Variants in ZNF676 observed in about 807,000 individuals in gnomAD.
ZNF676 encodes zinc finger protein 676.
Under a neutral mutation model 6.0 loss-of-function variants are expected in ZNF676, and 4 were observed. That is an observed-to-expected ratio of 0.67 (90% CI 0.33 to 1.53). ZNF676 has a LOEUF of 1.53. Ranked by LOEUF, ZNF676 falls within the 40% of genes most tolerant of loss-of-function variation. ZNF676 has a pLI of 0.06. For synonymous variants in ZNF676, 198 were observed against 223.1 expected (o/e 0.89, Z 1.00); for missense variants, 644 against 679.7 (o/e 0.95, Z 0.58).
chr19:22,249,787 CTG>C, the ZNF676 span, among the ~76,000 whole-genome samples: 1 of 150,658 alleles, frequency 6.6e-6, no homozygotes, highest in Admixed American at 6.6e-5. Context: ...AAGCACAGAT[CTG>C]TTCCTTAACA....
the ZNF676 span, among the ~76,000 whole-genome samples, chr19:22,230,076 T>C: frequency 6.6e-6 from 1 of 152,146 alleles, no homozygotes; most frequent in Non-Finnish European, 1.5e-5. Flanking sequence ...CTATTCACAA[T>C]AGCAAAGACT....
the ZNF676 span, among the ~76,000 whole-genome samples, chr19:22,230,734 C>T: frequency 6.6e-6 from 1 of 151,894 alleles, no homozygotes; most frequent in African/African-American, 2.4e-5. Context: ...TCTCTGCTCA[C>T]TGCCACCTCT....
At chr19:22,208,580 G>T (rs146365103) in intron 1 of ZNF676, among the ~76,000 whole-genome samples, 1 of 152,104 alleles carries the variant, frequency 6.6e-6, no homozygotes, top group African/African-American at 2.4e-5. Flanking sequence ...AATCACATTC[G>T]TTGCAGTACT....
At chr19:22,189,762 C>T (rs1284381473) in intron 2 of ZNF676, among the ~76,000 whole-genome samples, 1 of 151,910 alleles carries the variant, frequency 6.6e-6, no homozygotes. Flanking sequence ...CGAACAGACA[C>T]ATGAAAAAAA....
chr19:22,189,032 A>T (rs893483175), intron 2 of ZNF676, among the ~76,000 whole-genome samples: 3 of 151,516 alleles, frequency 2.0e-5, no homozygotes, highest in African/African-American at 7.3e-5. Context: ...CCAAAAAAAA[A>T]ATCTCACATG....
chr19:22,238,632 A>G, the ZNF676 span, among the ~76,000 whole-genome samples: 1 of 152,194 alleles, frequency 6.6e-6, no homozygotes, highest in Non-Finnish European at 1.5e-5. Flanking sequence ...AGGGTTCTCC[A>G]GAGGGACAGA....
upstream of ZNF676, among the ~76,000 whole-genome samples, chr19:22,216,234 A>C (rs2024188212): frequency 6.6e-6 from 1 of 152,180 alleles, no homozygotes; most frequent in African/African-American, 2.4e-5. Flanking sequence ...CAGAAGTTCA[A>C]GATCAGCCTG....
the ZNF676 span, among the ~76,000 whole-genome samples, chr19:22,257,408 G>A: frequency 5.3e-5 from 8 of 152,166 alleles, no homozygotes; most frequent in Non-Finnish European, 7.3e-5. Flanking sequence ...CCAAAAATAC[G>A]CAAGGCCCAG....
At chr19:22,214,353 A>T (rs1177457360) in intron 1 of ZNF676, among the ~76,000 whole-genome samples, 1 of 152,062 alleles carries the variant, frequency 6.6e-6, no homozygotes, top group Non-Finnish European at 1.5e-5. Context: ...GGCGGCTTAC[A>T]CCTGTAATCC....
the ZNF676 span, among the ~76,000 whole-genome samples, chr19:22,230,782 C>T: frequency 6.6e-6 from 1 of 151,770 alleles, no homozygotes; most frequent in Non-Finnish European, 1.5e-5. Context: ...CCTCAGCTTC[C>T]CAAATAGCTG....
At chr19:22,211,959 G>A (rs1319403835) in intron 1 of ZNF676, among the ~76,000 whole-genome samples, 1 of 152,064 alleles carries the variant, frequency 6.6e-6, no homozygotes, top group Non-Finnish European at 1.5e-5. Context: ...CAGCACTTTG[G>A]GAGGCCGAGG....
At chr19:22,187,185 G>A (rs1427945024) in intron 2 of ZNF676, among the ~76,000 whole-genome samples, 1 of 152,144 alleles carries the variant, frequency 6.6e-6, no homozygotes, top group East Asian at 1.9e-4. Flanking sequence ...AGACCACAGT[G>A]CAATCAAATT....
chr19:22,180,073 A>G lies in ZNF676; in HGVS notation c.1644T>C (p.Leu548=). The part of the protein sequence containing the change: ...CGKAFSRSSS[L]TRHKRIHTGE... ...CAGTATGAATTCTCTTGTGTCTAGTAAGGCTTGAGGATCTGCTGAAGGCTT... is the reference window on the plus strand; with the variant it reads ...CAGTATGAATTCTCTTGTGTCTAGTGAGGCTTGAGGATCTGCTGAAGGCTT... Residue 548 remains leucine (L), a synonymous_variant, in exon 3 of 3, where the codon CTT becomes CTC. Coordinates refer to ENST00000397121, the MANE Select transcript of ZNF676 (RefSeq NM_001001411.3). The G allele has an allele frequency of 6.2e-7, 1 of 1,613,678 alleles. No homozygotes were observed. Among genetic ancestry groups the G allele is most frequent in the East Asian group, 2.2e-5 (1 of 44,818 alleles).
intron 1 of ZNF676, among the ~76,000 whole-genome samples, chr19:22,207,065 T>A (rs1255409843): frequency 6.6e-6 from 1 of 152,116 alleles, no homozygotes; most frequent in Non-Finnish European, 1.5e-5. Context: ...CACTCCTATA[T>A]TCAACATAAA....
At chr19:22,226,933 C>T in the ZNF676 span, among the ~76,000 whole-genome samples, 1 of 152,076 alleles carries the variant, frequency 6.6e-6, no homozygotes, top group South Asian at 2.1e-4. Flanking sequence ...TTGGATTTTC[C>T]TGTTTTACTT....
chr19:22,240,034 A>G, the ZNF676 span, among the ~76,000 whole-genome samples: 1 of 152,338 alleles, frequency 6.6e-6, no homozygotes, highest in Admixed American at 6.5e-5. Context: ...ATGCACCCAG[A>G]TATATGTCAT....
chr19:22,224,788 T>C, the ZNF676 span, among the ~76,000 whole-genome samples: 1 of 152,086 alleles, frequency 6.6e-6, no homozygotes, highest in Non-Finnish European at 1.5e-5. Flanking sequence ...TGAGCCCAAA[T>C]GTTTGAGATC....
chr19:22,202,776 T>G (rs1203672743), intron 1 of ZNF676, among the ~76,000 whole-genome samples: 2 of 152,194 alleles, frequency 1.3e-5, no homozygotes, highest in African/African-American at 4.8e-5. Context: ...GGGAAGGCCA[T>G]CCCTGTATGC....
the ZNF676 span, among the ~76,000 whole-genome samples, chr19:22,252,093 A>C: frequency 6.6e-6 from 1 of 152,120 alleles, no homozygotes. Flanking sequence ...GATCCTTGTA[A>C]TATTGATGCT....
Sources: gnomAD v4.1 joint callset for allele counts (sites outside exome capture counted in the v4.1 genomes callset) on GRCh38, gnomAD v4.1.1 for gene constraint, MANE v1.5 for transcripts, NCBI Gene and HGNC (gene_info 2026-07-23, HGNC 2026-07-21) for gene names.